Variants in TMEM82 observed in about 807,000 individuals in gnomAD.
The protein encoded by TMEM82 is transmembrane protein 82.
Under a neutral mutation model 29.2 loss-of-function variants are expected in TMEM82, and 30 were observed. The observed-to-expected ratio is 1.03, with a 90% CI of 0.77 to 1.39. The LOEUF (loss-of-function observed/expected upper bound fraction) is 1.39. Among genes scored for constraint, TMEM82 ranks in the 40% most tolerant of loss-of-function variants. The probability of loss-of-function intolerance (pLI) is 0.00; values close to 1 mark genes in which losing one functional copy is unlikely to be tolerated. For missense variants in TMEM82, 442 were observed against 447.7 expected, an observed-to-expected ratio of 0.99 and a Z score of 0.12; for synonymous variants, 221 against 225.4, an observed-to-expected ratio of 0.98 and a Z score of 0.18.
chr1:15,744,920 C>A lies in TMEM82; in HGVS notation c.757+340C>A, dbSNP rs1440243275. Among the ~76,000 whole-genome samples the A allele has an allele frequency of 2.0e-5, 3 of 152,202 alleles. No individual in the cohort carries two copies. The highest frequency in any genetic ancestry group is 4.4e-5 in the Non-Finnish European group (3 of 68,032). ...CCACAGGAGTCCAGTGTGGCTGTCACCCCAAGGGCACAGGGAAGGGGTGAG... is the reference window on the plus strand; with the variant it reads ...CCACAGGAGTCCAGTGTGGCTGTCAACCCAAGGGCACAGGGAAGGGGTGAG... On this transcript the variant is annotated intron_variant, in intron 4 of 5. Coordinates refer to ENST00000375782, the MANE Select transcript of TMEM82 (RefSeq NM_001013641.3). This position sits in a 1 kb window ranked among gnomAD's most constrained non-coding sequence, Gnocchi z 5.2.
At chr1:15,747,429 C>G (rs953730078) in intron 5 of TMEM82, 117 bp from the exon 6 acceptor site, 1 of 862,790 alleles carries the variant, frequency 1.2e-6, no homozygotes, top group African/African-American at 1.7e-5. Context: ...CTGTCCACAG[C>G]CCTCTCCAGC....
rs1470326344 is a variant in TMEM82, at chr1:15,747,009, G to T, written c.900G>T (p.Trp300Cys). 6.2e-7 allele frequency: 1 copy of T among 1,612,162 alleles called. No individual in the cohort carries two copies. The highest frequency in any genetic ancestry group is 8.5e-7 in the Non-Finnish European group (1 of 1,179,914). Residue 300 changes from tryptophan (W) to cysteine (C), a missense_variant, in exon 5 of 6, where the codon TGG (tryptophan) becomes TGT (cysteine). Transcript: ENST00000375782. ...GILVSLLGEL[W>C]CLVGVRTLLD... Reference sequence around the variant, plus strand: ...TTGTCTCCCTACTGGGCGAGCTCTGGTGTCTCGTGGGCGTCCGCACCCTGC... The same window carrying T: ...TTGTCTCCCTACTGGGCGAGCTCTGTTGTCTCGTGGGCGTCCGCACCCTGC...
Position 15,747,932 on chromosome 1 carries a change from A to C in TMEM82, c.*300A>C. 3.0e-6 allele frequency: 1 copy of C among 337,508 alleles called. No individual in the cohort carries two copies. The highest frequency in any genetic ancestry group is 8.1e-4 in the Middle Eastern group (1 of 1,242). The allele number at this position is 337,508 out of a possible 1,614,324, so 20.9% of individuals were successfully genotyped here. A position where few individuals can be genotyped will look rare whatever the true frequency, so the allele number is the denominator to read the frequency against. On this transcript the variant is annotated 3_prime_UTR_variant, in exon 6 of 6. Transcript: ENST00000375782. ...GCATCCTCAGGAGGGCTCCCCCTTTACTGGTCTCCCTTCCCTTCTCCATGA... is the reference window on the plus strand; with the variant it reads ...GCATCCTCAGGAGGGCTCCCCCTTTCCTGGTCTCCCTTCCCTTCTCCATGA...
At chr1:15,742,690 C>T (rs1467397567) in intron 1 of TMEM82, 43 bp downstream of exon 1, 7 of 1,572,748 alleles carry the variant, frequency 4.5e-6, no homozygotes, top group Admixed American at 1.7e-5. Context: ...CGCCCCCTTC[C>T]AGCTCTTTGC....
rs2068315973 is a variant in TMEM82 at position 15,744,243 on chromosome 1, C to T, written c.420C>T (p.Ser140=). The change falls in exon 4 of 6, where the codon AGC becomes AGT. Residue 140 remains serine, a synonymous_variant. Coordinates refer to ENST00000375782, the MANE Select transcript of TMEM82 (RefSeq NM_001013641.3). The surrounding 1 kb of genome is among the most constrained non-coding windows in gnomAD (Gnocchi z 5.2). Reference sequence around the variant, plus strand: ...GCTGCGGGCTGACCTGTGGCCTGAGCTTCCTGCAGGAGGGCGCCCCTCACC... The same window carrying T: ...GCTGCGGGCTGACCTGTGGCCTGAGTTTCCTGCAGGAGGGCGCCCCTCACC... The part of the protein sequence containing the change: ...SLGCGLTCGL[S]FLQEGAPHRT... The T allele has an allele frequency of 3.2e-6, 5 of 1,584,740 alleles. No homozygotes were observed. In the African/African-American group the frequency reaches 4.0e-5, roughly 13 times the overall value.
intron 1 of TMEM82, 85 bp from the exon 2 acceptor site, chr1:15,742,750 G>T: frequency 6.6e-7 from 1 of 1,510,654 alleles, no homozygotes. Context: ...CCTGCCCCTT[G>T]GCCGCCCCCT....
At position 15,746,930 on chromosome 1, in the gene TMEM82, G is replaced by T. The variant is rs947846076; in HGVS notation, c.821G>T (p.Gly274Val). Residue 274 changes from glycine (G) to valine (V), a missense_variant, in exon 5 of 6, where the codon GGC becomes GTC. Physicochemically the swap from Gly to Val is moderately radical, Grantham distance 109. Coordinates refer to ENST00000375782, the MANE Select transcript of TMEM82 (RefSeq NM_001013641.3). ...CAGACGGTGCTGGTGCGCATGGGCG[G>T]CCTCTTCGTGCTGCTGCTGACTGTG... ...QVQTVLVRMG[G>V]LFVLLLTVGR... The T allele has an allele frequency of 6.2e-7, 1 of 1,609,076 alleles. No homozygotes were observed. The highest frequency in any genetic ancestry group is 8.5e-7 in the Non-Finnish European group (1 of 1,179,852).
Position 15,744,592 on chromosome 1 carries a change from G to A in TMEM82, c.757+12G>A, listed in dbSNP as rs576679488. 1.6e-5 allele frequency: 26 copies of A among 1,594,400 alleles called. No individual in the cohort carries two copies. The highest frequency in any genetic ancestry group is 4.5e-5 in the South Asian group (4 of 88,070). The stretch of plus-strand genomic sequence containing the variant: ...CATCTACATGCAGGGTGAGCGCTGC[G>A]GGGCCTGCTCCATTCAATCCACGCA... On this transcript the variant is annotated intron_variant, in intron 4 of 5. Coordinates refer to ENST00000375782, the MANE Select transcript of TMEM82 (RefSeq NM_001013641.3). This position sits in a 1 kb window ranked among gnomAD's most constrained non-coding sequence, Gnocchi z 5.2.
intron 3 of TMEM82, 150 bp downstream of exon 3, chr1:15,743,344 C>T: frequency 9.4e-7 from 1 of 1,063,404 alleles, no homozygotes; most frequent in Non-Finnish European, 1.3e-6. Context: ...GCAGGTTGCA[C>T]CTTTGGGTTT....
intron 3 of TMEM82, 50 bp downstream of exon 3, chr1:15,743,244 C>G: frequency 6.4e-7 from 1 of 1,552,868 alleles, no homozygotes; most frequent in South Asian, 1.2e-5. Context: ...GCCCAGGGCC[C>G]GGGCTCACCC....
chr1:15,744,675 G>A lies in TMEM82; in HGVS notation c.757+95G>A. The stretch of plus-strand genomic sequence containing the variant: ...CCGAGAGCCATCAGCCCTCACTCTT[G>A]CCATCCCAGAGAGCCTGGTCAGGAC... On this transcript the variant is annotated intron_variant, in intron 4 of 5. Coordinates refer to ENST00000375782, the MANE Select transcript of TMEM82 (RefSeq NM_001013641.3). The surrounding 1 kb of genome is among the most constrained non-coding windows in gnomAD (Gnocchi z 5.2). 1 of 1,409,426 alleles carries A rather than the reference G, an allele frequency of 7.1e-7. No homozygotes were observed. Among genetic ancestry groups the A allele is most frequent in the Non-Finnish European group, 9.5e-7 (1 of 1,055,948 alleles). 87.3% of individuals were successfully genotyped at this position (1,409,426 alleles called of 1,614,324 possible). A position where few individuals can be genotyped will look rare whatever the true frequency, so the allele number is the denominator to read the frequency against.
chr1:15,744,195 C>T lies in TMEM82; in HGVS notation c.372C>T (p.Tyr124=). 6.3e-7 allele frequency: 1 copy of T among 1,587,280 alleles called. No individual in the cohort carries two copies. The highest frequency in any genetic ancestry group is 2.3e-5 in the East Asian group (1 of 44,302). The change falls in exon 4 of 6, where the codon TAC becomes TAT. Residue 124 remains tyrosine, a synonymous_variant. Transcript: ENST00000375782. The surrounding 1 kb of genome is among the most constrained non-coding windows in gnomAD (Gnocchi z 5.2). The stretch of plus-strand genomic sequence containing the variant: ...GTGCCGCCGAGAGGCTGCAGCTCTA[C>T]CTGCTGTGCCAGTACTCGCTGGGCT... ...SQGAAERLQL[Y]LLCQYSLGCG...
In TMEM82 at chr1:15,742,507, G is replaced by A. The variant is rs764991241; in HGVS notation, c.-53G>A. 9.4e-6 allele frequency: 13 copies of A among 1,378,806 alleles called. No individual in the cohort carries two copies. The highest frequency in any genetic ancestry group is 1.3e-5 in the Non-Finnish European group (13 of 1,029,924). The allele number at this position is 1,378,806 out of a possible 1,614,324, so 85.4% of individuals were successfully genotyped here. ...ACCGACACCTTTGCCCAGTGACGTT[G>A]GTCTGTCCTTACGCAGACCTGGCCG... On this transcript the variant is annotated 5_prime_UTR_variant, in exon 1 of 6. Coordinates refer to ENST00000375782, the MANE Select transcript of TMEM82 (RefSeq NM_001013641.3).
rs7525747 is a variant in TMEM82, at chr1:15,744,417, T to C, written c.594T>C (p.His198=). 0.084 allele frequency: 133,959 copies of C among 1,587,416 alleles called. 7,151 individuals carry two copies. The highest frequency in any genetic ancestry group is 0.26 in the African/African-American group (19,298 of 74,642). Residue 198 remains histidine, a synonymous_variant, in exon 4 of 6, where the codon CAT becomes CAC. Transcript: ENST00000375782. This position sits in a 1 kb window ranked among gnomAD's most constrained non-coding sequence, Gnocchi z 5.2. ...GCCTGGGCCTGCTGGCCCATGCACA[T>C]GGCCTCCCCCAGCTGCTGGGCCGTG... ...GVCLGLLAHA[H]GLPQLLGRAL...
chr1:15,747,517 G>A (rs1302501050), intron 5 of TMEM82, 29 bp from the exon 6 acceptor site: 3 of 1,596,876 alleles, frequency 1.9e-6, no homozygotes, highest in Non-Finnish European at 2.6e-6. Flanking sequence ...GGGTGAATGG[G>A]TGGTGTCATT....
In TMEM82 at chr1:15,742,925, C is replaced by T. The variant is rs1359090881; in HGVS notation, c.161+18C>T. On this transcript the variant is annotated intron_variant, in intron 2 of 5. Transcript: ENST00000375782. Reference sequence around the variant, plus strand: ...TGTGCCAAGTGAGTGCCCACCTCATCCCCCCAGGGAATGTGGCTGGGGGCA... The same window carrying T: ...TGTGCCAAGTGAGTGCCCACCTCATTCCCCCAGGGAATGTGGCTGGGGGCA... 1 of 1,612,032 alleles carries T rather than the reference C, an allele frequency of 6.2e-7. No homozygotes were observed. Among genetic ancestry groups the T allele is most frequent in the Non-Finnish European group, 8.5e-7 (1 of 1,179,420 alleles).
rs930627320 is a variant in TMEM82 at position 15,744,865 on chromosome 1, G to A, written c.757+285G>A. On this transcript the variant is annotated intron_variant, in intron 4 of 5. Transcript: ENST00000375782. The surrounding 1 kb of genome is among the most constrained non-coding windows in gnomAD (Gnocchi z 5.2). ...GAACCGCATGTGCCAATGCCCAGAGGGGAGAGAGGGCATGGCCGTGCCAAA... is the reference window on the plus strand; with the variant it reads ...GAACCGCATGTGCCAATGCCCAGAGAGGAGAGAGGGCATGGCCGTGCCAAA... Among the ~76,000 whole-genome samples, 1 of 152,182 alleles carries A rather than the reference G, an allele frequency of 6.6e-6. No individual in the cohort carries two copies. Among genetic ancestry groups the A allele is most frequent in the Non-Finnish European group, 1.5e-5 (1 of 68,030 alleles).
chr1:15,747,925 C>A lies in TMEM82; in HGVS notation c.*293C>A. On this transcript the variant is annotated 3_prime_UTR_variant, in exon 6 of 6. Transcript: ENST00000375782. ...TGGGGGTGCATCCTCAGGAGGGCTC[C>A]CCCTTTACTGGTCTCCCTTCCCTTC... The A allele has an allele frequency of 2.8e-6, 1 of 354,202 alleles. No homozygotes were observed. The highest frequency in any genetic ancestry group is 5.1e-6 in the Non-Finnish European group (1 of 196,482). The allele number at this position is 354,202 out of a possible 1,614,324, so 21.9% of individuals were successfully genotyped here. A position where few individuals can be genotyped will look rare whatever the true frequency, so the allele number is the denominator to read the frequency against.
chr1:15,744,279 C>A lies in TMEM82; in HGVS notation c.456C>A (p.Asn152Lys). The part of the protein sequence containing the change: ...LQEGAPHRTL[N>K]LLLSLGLATL... ...AGGGCGCCCCTCACCGCACGCTGAACCTGCTGCTGAGCCTCGGGCTGGCCA... is the reference window on the plus strand; with the variant it reads ...AGGGCGCCCCTCACCGCACGCTGAAACTGCTGCTGAGCCTCGGGCTGGCCA... The change falls in exon 4 of 6, where the codon AAC becomes AAA. Residue 152 changes from asparagine to lysine, a missense_variant. By Grantham distance (94) the Asn-to-Lys change is moderately conservative. Transcript: ENST00000375782. This position sits in a 1 kb window ranked among gnomAD's most constrained non-coding sequence, Gnocchi z 5.2. The A allele has an allele frequency of 3.2e-6, 5 of 1,558,070 alleles. No individual in the cohort carries two copies. The highest frequency in any genetic ancestry group is 3.5e-6 in the Non-Finnish European group (4 of 1,156,274).
Sources: allele counts gnomAD v4.1 joint callset (sites outside exome capture counted in the v4.1 genomes callset), GRCh38; gene constraint gnomAD v4.1.1; non-coding constraint Gnocchi (gnomAD v3.1); transcripts MANE v1.5; gene names NCBI Gene and HGNC (gene_info 2026-07-23, HGNC 2026-07-21).